MARCHF1: variants seen among roughly 807,000 people sequenced by gnomAD.
MARCHF1 encodes membrane associated ring-CH-type finger 1.
Under a neutral mutation model 54.2 loss-of-function variants are expected in MARCHF1, and 40 were observed. The ratio of observed to expected loss-of-function variants is 0.74; its 90% CI spans 0.57 to 0.96. The LOEUF is 0.96. Ranked by LOEUF, MARCHF1 falls within the 40% of genes least tolerant of loss-of-function variation. The pLI, the probability that MARCHF1 is intolerant of heterozygous loss-of-function variation, is 0.00. For synonymous variants in MARCHF1, 236 were observed against 236.3 expected (o/e 1.00, Z 0.01); for missense variants, 586 against 656.5 (o/e 0.89, Z 1.17).
chr4:163,867,590 G>GA (rs1750080944), intron 3 of MARCHF1, among the ~76,000 whole-genome samples: 1 of 151,650 alleles, frequency 6.6e-6, no homozygotes, highest in Admixed American at 6.6e-5. Flanking sequence ...CACTTTACCT[G>GA]AAAAATGACT....
At chr4:164,202,563 C>T (rs776214098) in intron 1 of MARCHF1, among the ~76,000 whole-genome samples, 4 of 152,056 alleles carry the variant, frequency 2.6e-5, no homozygotes, top group Non-Finnish European at 2.9e-5. Context: ...TTATTATCCC[C>T]ATTATATATG....
intron 4 of MARCHF1, among the ~76,000 whole-genome samples, chr4:163,814,913 T>C (rs1009231606): frequency 2.0e-5 from 3 of 152,172 alleles, no homozygotes; most frequent in African/African-American, 7.2e-5. Flanking sequence ...TTTTAGAATA[T>C]CATTAGTTAT....
chr4:163,805,475 A>C (rs1748201322), intron 4 of MARCHF1, among the ~76,000 whole-genome samples: 1 of 152,212 alleles, frequency 6.6e-6, no homozygotes, highest in Non-Finnish European at 1.5e-5. Flanking sequence ...AATGGTAGCA[A>C]AGCAAAATTT....
chr4:164,304,731 A>G (rs1004581919), intron 1 of MARCHF1, among the ~76,000 whole-genome samples: 1 of 152,174 alleles, frequency 6.6e-6, no homozygotes, highest in East Asian at 1.9e-4. Flanking sequence ...TTAAATATCT[A>G]CATGAAAATT....
At chr4:163,583,192 T>A (rs1408164895) in intron 8 of MARCHF1, among the ~76,000 whole-genome samples, 1 of 152,200 alleles carries the variant, frequency 6.6e-6, no homozygotes, top group Non-Finnish European at 1.5e-5. Context: ...AGTCCCTTTT[T>A]AAAGTGGCTA....
chr4:164,336,464 AT>A (rs1317877915), intron 1 of MARCHF1, among the ~76,000 whole-genome samples: 1 of 152,218 alleles, frequency 6.6e-6, no homozygotes, highest in Non-Finnish European at 1.5e-5. Flanking sequence ...TCTTTGCTCC[AT>A]TTATTTTATA....
intron 2 of MARCHF1, among the ~76,000 whole-genome samples, chr4:164,079,391 T>G (rs1418000535): frequency 6.6e-6 from 1 of 152,148 alleles, no homozygotes; most frequent in Non-Finnish European, 1.5e-5. Context: ...TAAGTTTCTT[T>G]AACAAAAAGT....
intron 7 of MARCHF1, among the ~76,000 whole-genome samples, chr4:163,601,304 T>G (rs548375155): frequency 1.3e-5 from 2 of 152,284 alleles, no homozygotes; most frequent in African/African-American, 4.8e-5. Context: ...ACAATGTTTA[T>G]TTTCTGTTTG....
chr4:163,895,606 A>G (rs1398585813), intron 3 of MARCHF1, among the ~76,000 whole-genome samples: 2 of 152,200 alleles, frequency 1.3e-5, no homozygotes, highest in Non-Finnish European at 2.9e-5. Context: ...CAGATAATGC[A>G]GTAGAGGGCT....
At chr4:163,559,452 GGAA>G (rs1167759755) in intron 8 of MARCHF1, among the ~76,000 whole-genome samples, 2 of 152,114 alleles carry the variant, frequency 1.3e-5, no homozygotes, top group Non-Finnish European at 2.9e-5. Flanking sequence ...AAAGGATGGA[GGAA>G]GAAGAAAAAA....
chr4:163,927,620 C>G (rs55875405), intron 3 of MARCHF1, among the ~76,000 whole-genome samples: 12,396 of 151,746 alleles, frequency 0.082, 1,145 homozygotes, highest in African/African-American at 0.22. Flanking sequence ...TGAAATGAAA[C>G]AGGTTGCCTG....
At chr4:163,885,992 T>C (rs1392620651) in intron 3 of MARCHF1, among the ~76,000 whole-genome samples, 1 of 146,686 alleles carries the variant, frequency 6.8e-6, no homozygotes, top group African/African-American at 2.5e-5. Context: ...GATAAATAGA[T>C]ACTACAGGAC....
At chr4:164,323,143 T>C (rs1341698183) in intron 1 of MARCHF1, among the ~76,000 whole-genome samples, 1 of 151,900 alleles carries the variant, frequency 6.6e-6, no homozygotes, top group East Asian at 1.9e-4. Flanking sequence ...CTAAGAAACA[T>C]TGTGCTGTTC....
At chr4:164,121,235 C>A (rs1756059632) in intron 1 of MARCHF1, among the ~76,000 whole-genome samples, 2 of 152,066 alleles carry the variant, frequency 1.3e-5, no homozygotes, top group South Asian at 2.1e-4. Context: ...GGACAAATTT[C>A]TAGATGCATA....
At chr4:163,742,273 G>C (rs144862882) in intron 4 of MARCHF1, among the ~76,000 whole-genome samples, 46 of 152,128 alleles carry the variant, frequency 3.0e-4, no homozygotes, top group African/African-American at 1.1e-3. Context: ...AAATATGGCA[G>C]TCAATTATTG....
At chr4:164,082,949 C>T (rs537965018) in intron 2 of MARCHF1, among the ~76,000 whole-genome samples, 106 of 152,282 alleles carry the variant, frequency 7.0e-4, no homozygotes, top group Admixed American at 2.1e-3. Context: ...GATCTCAAAT[C>T]TCAAACCCCT....
chr4:164,158,782 A>G (rs1481245193), intron 1 of MARCHF1, among the ~76,000 whole-genome samples: 2 of 152,066 alleles, frequency 1.3e-5, no homozygotes, highest in Non-Finnish European at 2.9e-5. Flanking sequence ...CTATTACCAC[A>G]TTTCTTTCCA....
intron 7 of MARCHF1, among the ~76,000 whole-genome samples, chr4:163,599,699 TA>T (rs1740895088): frequency 6.6e-6 from 1 of 152,284 alleles, no homozygotes; most frequent in African/African-American, 2.4e-5. Flanking sequence ...GAGGGTCAGT[TA>T]AAACCTAGAT....
intron 4 of MARCHF1, among the ~76,000 whole-genome samples, chr4:163,703,511 T>C (rs1744866439): frequency 6.6e-6 from 1 of 152,128 alleles, no homozygotes; most frequent in Admixed American, 6.6e-5. Context: ...TTGTCATACC[T>C]CATTACAATC....
Sources: allele counts gnomAD v4.1 joint callset (sites outside exome capture counted in the v4.1 genomes callset), GRCh38; gene constraint gnomAD v4.1.1; transcripts MANE v1.5; gene names NCBI Gene and HGNC (gene_info 2026-07-23, HGNC 2026-07-21).